The following THAP9 variants were observed in gnomAD, a reference collection of about 807,000 sequenced individuals.
The protein encoded by THAP9 is THAP domain containing 9, also known as DNA transposase THAP9.
In THAP9, 20 loss-of-function variants were observed where a neutral mutation model predicts 35.7. The ratio of observed to expected loss-of-function variants is 0.56; its 90% CI spans 0.39 to 0.81. The LOEUF (loss-of-function observed/expected upper bound fraction) is 0.81, where lower values mean the gene tolerates loss of function less well. THAP9 is among the 40% of genes least tolerant of loss of function. The probability of loss-of-function intolerance (pLI) is 0.00; values close to 1 mark genes in which losing one functional copy is unlikely to be tolerated. For missense variants in THAP9, 870 were observed against 1,047.4 expected (o/e 0.83, Z 2.34); for synonymous variants, 335 against 373.7 (o/e 0.90, Z 1.19).
Position 82,906,611 on chromosome 4 carries a change from A to G in THAP9, c.564A>G (p.Leu188=). 3 of 1,594,476 alleles carry G rather than the reference A, an allele frequency of 1.9e-6. No homozygotes were observed. The highest frequency in any genetic ancestry group is 2.6e-6 in the Non-Finnish European group (3 of 1,170,632). Residue 188 remains leucine, a synonymous_variant, in exon 3 of 5, where the codon CTA becomes CTG. Transcript: ENST00000302236. ...KLLSEETECL[L]RAQFSDFKWE... is the part of the protein sequence containing the mutation. ...TTTCTGAAGAAACAGAGTGTCTGCT[A>G]CGAGCTCAATTTTCAGGTACTTCCC...
chr4:82,915,769 A>G (rs1721015541), intron 4 of THAP9, among the ~76,000 whole-genome samples: 1 of 152,134 alleles, frequency 6.6e-6, no homozygotes, highest in Non-Finnish European at 1.5e-5. Context: ...CAGAACCTGT[A>G]TGTATGAAAA....
chr4:82,911,212 C>T (rs773605017), intron 4 of THAP9, among the ~76,000 whole-genome samples: 19 of 152,102 alleles, frequency 1.2e-4, no homozygotes, highest in Non-Finnish European at 2.5e-4. Context: ...GACAGTTCAT[C>T]CATTGAAACA....
chr4:82,918,577 G>A lies in THAP9; in HGVS notation c.2365G>A (p.Glu789Lys), dbSNP rs780747919. The A allele has an allele frequency of 1.2e-6, 2 of 1,613,922 alleles. No homozygotes were observed. Among genetic ancestry groups the A allele is most frequent in the Non-Finnish European group, 1.7e-6 (2 of 1,179,932 alleles). The change falls in exon 5 of 5, where the codon GAA (glutamate) becomes AAA (lysine). Residue 789 changes from glutamate to lysine, a missense_variant. By Grantham distance (56) the Glu-to-Lys change is moderately conservative (BLOSUM62 1). Around this residue, in one of 3 missense-constraint regions of THAP9, gnomAD observed 414 missense variants for 500.8 expected, o/e 0.83. Coordinates refer to ENST00000302236, the MANE Select transcript of THAP9 (RefSeq NM_024672.6). Reference sequence around the variant, plus strand: ...AACCCATTCAAGAATGGCAATTTTTGAACTAGTTTCTAAACAAAGGGAATT... The same window carrying A: ...AACCCATTCAAGAATGGCAATTTTTAAACTAGTTTCTAAACAAAGGGAATT... ...VRTHSRMAIFELVSKQRELYL... is the reference protein window; with the variant it reads ...VRTHSRMAIFKLVSKQRELYL...
At chr4:82,901,822 T>G (rs751555722) in intron 1 of THAP9, among the ~76,000 whole-genome samples, 3 of 152,114 alleles carry the variant, frequency 2.0e-5, no homozygotes, top group Non-Finnish European at 2.9e-5. Context: ...GATTTGGGAT[T>G]TTTCTTGTGA....
chr4:82,909,618 T>C (rs1359407838), intron 4 of THAP9, among the ~76,000 whole-genome samples: 1 of 152,188 alleles, frequency 6.6e-6, no homozygotes, highest in Non-Finnish European at 1.5e-5. Flanking sequence ...TCTGACATTC[T>C]CCAGCTATTG....
At chr4:82,908,583 T>C (rs1007131767) in intron 4 of THAP9, among the ~76,000 whole-genome samples, 3 of 152,224 alleles carry the variant, frequency 2.0e-5, no homozygotes, top group African/African-American at 7.2e-5. Context: ...ACCACTAGTT[T>C]TACAGATTCC....
intron 1 of THAP9, chr4:82,901,197 A>G (rs1038337933): frequency 3.4e-6 from 2 of 585,380 alleles, no homozygotes; most frequent in African/African-American, 3.7e-5. Context: ...AAGGGAAGGC[A>G]GTTTAGGACA....
chr4:82,915,621 G>A (rs1042613344), intron 4 of THAP9, among the ~76,000 whole-genome samples: 3 of 151,858 alleles, frequency 2.0e-5, no homozygotes, highest in South Asian at 4.2e-4. Context: ...TGCCATTTAA[G>A]TATATATAAA....
chr4:82,905,733 T>A, intron 2 of THAP9: 1 of 381,428 alleles, frequency 2.6e-6, no homozygotes, highest in South Asian at 2.0e-5. Flanking sequence ...TTCATACTTT[T>A]GTGTAAAATC....
chr4:82,918,032 T>G lies in THAP9; in HGVS notation c.1820T>G (p.Phe607Cys). ...MPFPYLLTYK[F>C]SHDHLELFLK... ...TTTCCTTATCTTCTGACTTACAAAT[T>G]CAGTCATGATCATCTGGAATTATTT... The change falls in exon 5 of 5, where the codon TTC (phenylalanine) becomes TGC (cysteine). Residue 607 changes from phenylalanine (F) to cysteine (C), a missense_variant. Physicochemically the swap from Phe to Cys is radical, Grantham distance 205. This residue lies in a region of THAP9 where 414 missense variants were observed against 500.8 expected (regional missense o/e 0.83). Transcript: ENST00000302236. The G allele has an allele frequency of 6.2e-7, 1 of 1,614,068 alleles. No individual in the cohort carries two copies. Among genetic ancestry groups the G allele is most frequent in the Non-Finnish European group, 8.5e-7 (1 of 1,179,998 alleles).
chr4:82,908,088 A>G (rs1315261892), intron 4 of THAP9, among the ~76,000 whole-genome samples, 153 bp downstream of exon 4: 1 of 152,252 alleles, frequency 6.6e-6, no homozygotes, highest in Non-Finnish European at 1.5e-5. Flanking sequence ...CCCATTTAAA[A>G]AAAGAAAAAA....
rs1306975019 is a variant in THAP9, at chr4:82,919,618, T to G, written c.*694T>G. On this transcript the variant is annotated 3_prime_UTR_variant, in exon 5 of 5. Transcript: ENST00000302236. Reference sequence around the variant, plus strand: ...TATCTCTGAACTTTGAAATATTACTTTTGAATAATAGGCTGGACACTTAGT... The same window carrying G: ...TATCTCTGAACTTTGAAATATTACTGTTGAATAATAGGCTGGACACTTAGT... 6.6e-6 allele frequency: 1 copy of G among 152,170 alleles called. No homozygotes were observed. Among genetic ancestry groups the G allele is most frequent in the Non-Finnish European group, 1.5e-5 (1 of 68,028 alleles). 9.4% of individuals were successfully genotyped at this position (152,170 alleles called of 1,614,324 possible).
Position 82,903,161 on chromosome 4 carries a change from C to T in THAP9, c.81-1575C>T, listed in dbSNP as rs148344482. ...ACCTATAAGTCTGTCTCTAAGATAA[C>T]GTCAAAGAAGAAGGGGCAGAAAGAG... On this transcript the variant is annotated intron_variant, in intron 1 of 4. Coordinates refer to ENST00000302236, the MANE Select transcript of THAP9 (RefSeq NM_024672.6). Among the ~76,000 whole-genome samples the T allele has an allele frequency of 1.4e-3, 214 of 152,290 alleles. 1 individual carries two copies. The highest frequency in any genetic ancestry group is 4.7e-3 in the African/African-American group (197 of 41,552).
chr4:82,913,387 A>G (rs891723400), intron 4 of THAP9: 15 of 152,164 alleles, frequency 9.9e-5, no homozygotes, highest in African/African-American at 3.6e-4. Context: ...GTGCTTTGTT[A>G]TATATGTACC....
chr4:82,909,682 A>G (rs1218387564), intron 4 of THAP9, among the ~76,000 whole-genome samples: 1 of 152,090 alleles, frequency 6.6e-6, no homozygotes, highest in African/African-American at 2.4e-5. Context: ...ATATATTTTG[A>G]TGAACATTTG....
chr4:82,913,892 G>A (rs1405235664), intron 4 of THAP9, among the ~76,000 whole-genome samples: 7 of 151,548 alleles, frequency 4.6e-5, no homozygotes, highest in African/African-American at 9.7e-5. Context: ...ACACACCACT[G>A]AGCCTGGCTA....
intron 1 of THAP9, among the ~76,000 whole-genome samples, chr4:82,901,806 A>G (rs13105865): frequency 0.18 from 28,057 of 151,934 alleles, 2,770 homozygotes; most frequent in South Asian, 0.32. Context: ...ATGTGAGACC[A>G]TAATTGATTT....
intron 4 of THAP9, among the ~76,000 whole-genome samples, chr4:82,915,936 A>G (rs1381467398): frequency 2.6e-5 from 4 of 152,194 alleles, no homozygotes; most frequent in African/African-American, 9.7e-5. Flanking sequence ...AGTTCGTAGT[A>G]TGTACTAAGG....
At chr4:82,906,797 T>C (rs191297752) in intron 3 of THAP9, among the ~76,000 whole-genome samples, 170 bp downstream of exon 3, 5 of 152,302 alleles carry the variant, frequency 3.3e-5, no homozygotes, top group Admixed American at 2.0e-4. Flanking sequence ...TTGTATCTTA[T>C]GGTTTTCCAG....
Sources: gnomAD v4.1 joint callset for allele counts (sites outside exome capture counted in the v4.1 genomes callset) on GRCh38, gnomAD v4.1.1 for gene constraint, gnomAD v4.1.1 regional missense constraint, MANE v1.5 for transcripts, NCBI Gene and HGNC (gene_info 2026-07-23, HGNC 2026-07-21) for gene names.